FAAH2: variants seen among roughly 807,000 people sequenced by gnomAD.
The protein encoded by FAAH2 is fatty-acid amide hydrolase 2.
A neutral mutation model predicts 36.9 loss-of-function variants in FAAH2; 60 were observed. That is an observed-to-expected ratio of 1.63 (90% CI 1.32 to 2.02). The LOEUF is 2.02. Ranked by LOEUF, FAAH2 falls within the 30% of genes most tolerant of loss-of-function variation. The pLI, the probability that FAAH2 is intolerant of heterozygous loss-of-function variation, is 0.00. For missense variants in FAAH2, 689 were observed against 397.5 expected, an observed-to-expected ratio of 1.73 and a Z score of -6.23; for synonymous variants, 214 against 143.8, an observed-to-expected ratio of 1.49 and a Z score of -3.49.
chrX:57,452,413 G>C, intron 10 of FAAH2: 1 of 657,788 alleles, frequency 1.5e-6, no homozygotes, highest in South Asian at 7.8e-5. Flanking sequence ...GAACAAACTT[G>C]ACTTTGTGAT....
At chrX:57,458,633 C>A (rs1196829252) in intron 10 of FAAH2, among the ~76,000 whole-genome samples, 1 of 112,125 alleles carries the variant, frequency 8.9e-6, no homozygotes, top group Non-Finnish European at 1.9e-5. Context: ...ATTGAGGTAA[C>A]CTAATCATCT....
the FAAH2 span, among the ~76,000 whole-genome samples, chrX:57,274,804 G>A: frequency 9.0e-6 from 1 of 111,711 alleles, no homozygotes; most frequent in Non-Finnish European, 1.9e-5. Flanking sequence ...ATATCATACT[G>A]AATGGGAAAA....
chrX:57,392,725 T>A, intron 7 of FAAH2: 1 of 610,387 alleles, frequency 1.6e-6, no homozygotes, highest in Non-Finnish European at 2.8e-6. Flanking sequence ...TCCATTGTGC[T>A]CATCGTTCCT....
chrX:57,327,832 T>A (rs953946549), intron 3 of FAAH2, among the ~76,000 whole-genome samples: 7 of 111,968 alleles, frequency 6.3e-5, no homozygotes, highest in Non-Finnish European at 1.1e-4. Flanking sequence ...AGCCTTCTTC[T>A]CTGAACTCGT....
chrX:57,433,100 A>T (rs1339434224), intron 8 of FAAH2, among the ~76,000 whole-genome samples: 1 of 111,670 alleles, frequency 9.0e-6, no homozygotes, highest in African/African-American at 3.2e-5. Flanking sequence ...CTGAGATGAA[A>T]GTTTATAATC....
chrX:57,212,174 C>T, the FAAH2 span, among the ~76,000 whole-genome samples: 1 of 111,879 alleles, frequency 8.9e-6, no homozygotes, highest in East Asian at 2.8e-4. Flanking sequence ...TTTAAGGCTG[C>T]TGTAAGCTGT....
chrX:57,395,125 C>T (rs2055263190), intron 7 of FAAH2: 1 of 539,748 alleles, frequency 1.9e-6, no homozygotes, highest in Non-Finnish European at 3.4e-6. Context: ...CACTACGAAC[C>T]CGTGTACAGT....
chrX:57,444,719 T>C (rs764388264), intron 8 of FAAH2, among the ~76,000 whole-genome samples: 5 of 112,000 alleles, frequency 4.5e-5, no homozygotes, highest in African/African-American at 1.6e-4. Context: ...AGCCATCTTG[T>C]AACCTCGAGC....
chrX:57,156,941 A>G, the FAAH2 span, among the ~76,000 whole-genome samples: 2 of 112,273 alleles, frequency 1.8e-5, no homozygotes, highest in African/African-American at 6.5e-5. Context: ...GTGTCCAAAT[A>G]CATTTTAGTC....
At chrX:57,160,570 A>T in the FAAH2 span, among the ~76,000 whole-genome samples, 1 of 111,720 alleles carries the variant, frequency 9.0e-6, no homozygotes, top group Non-Finnish European at 1.9e-5. Context: ...TAGTCTTGGG[A>T]GGGTGTATGT....
intron 10 of FAAH2, among the ~76,000 whole-genome samples, chrX:57,487,346 A>T (rs1443565361): frequency 2.7e-5 from 3 of 111,449 alleles, no homozygotes; most frequent in Non-Finnish European, 3.8e-5. Context: ...AAAAGGAAAG[A>T]CACTGACCAG....
At chrX:57,454,166 C>A (rs767832814) in intron 10 of FAAH2, among the ~76,000 whole-genome samples, 1 of 111,988 alleles carries the variant, frequency 8.9e-6, no homozygotes, top group East Asian at 2.8e-4. Context: ...CACTCTTAAG[C>A]GCCACCTGCT....
At chrX:57,314,220 GA>G (rs1403195539) in intron 3 of FAAH2, among the ~76,000 whole-genome samples, 3 of 111,471 alleles carry the variant, frequency 2.7e-5, no homozygotes, top group Non-Finnish European at 5.7e-5. Context: ...CCCAACATTG[GA>G]GCACTCAGAT....
At chrX:57,465,144 A>C (rs1401817546) in intron 10 of FAAH2, among the ~76,000 whole-genome samples, 3 of 111,888 alleles carry the variant, frequency 2.7e-5, no homozygotes, top group Non-Finnish European at 5.7e-5. Flanking sequence ...TTTAAATGGA[A>C]GAATAAAGAG....
chrX:57,418,488 T>C (rs1280161987), intron 7 of FAAH2, among the ~76,000 whole-genome samples: 1 of 110,853 alleles, frequency 9.0e-6, no homozygotes, highest in Non-Finnish European at 1.9e-5. Context: ...GCGAGGGGGT[T>C]CCCTGACCCC....
chrX:57,394,562 A>C, intron 7 of FAAH2: 1 of 1,206,832 alleles, frequency 8.3e-7, no homozygotes, highest in Non-Finnish European at 1.1e-6. Flanking sequence ...AAATTTCTCC[A>C]GGAAACGCTT....
At chrX:57,286,189 G>A (rs750918008), upstream of FAAH2, among the ~76,000 whole-genome samples, 2 of 111,806 alleles carry the variant, frequency 1.8e-5, no homozygotes, top group South Asian at 7.6e-4. Context: ...CAGATGGGCT[G>A]GAGATTTGAT....
the FAAH2 span, among the ~76,000 whole-genome samples, chrX:57,145,854 G>A: frequency 9.9e-5 from 11 of 111,388 alleles, no homozygotes; most frequent in Non-Finnish European, 1.7e-4. Flanking sequence ...CTTTGTTGAA[G>A]TTCAGTTGGC....
At chrX:57,199,237 C>G in the FAAH2 span, among the ~76,000 whole-genome samples, 2 of 110,902 alleles carry the variant, frequency 1.8e-5, no homozygotes, top group East Asian at 5.7e-4. Context: ...ATATCTATAG[C>G]TATAAACTGC....
Sources: allele counts gnomAD v4.1 joint callset (sites outside exome capture counted in the v4.1 genomes callset), GRCh38; gene constraint gnomAD v4.1.1; transcripts MANE v1.5; gene names NCBI Gene and HGNC (gene_info 2026-07-23, HGNC 2026-07-21).